The following UBIAD1 variants were observed in gnomAD, a reference collection of about 807,000 sequenced individuals.
UBIAD1 encodes ubiA prenyltransferase domain-containing protein 1.
A neutral mutation model predicts 20.1 loss-of-function variants in UBIAD1; 12 were observed. The observed-to-expected ratio is 0.60, with a 90% CI of 0.38 to 0.97. UBIAD1 has a LOEUF of 0.97. Ranked by LOEUF, UBIAD1 falls within the 50% of genes least tolerant of loss-of-function variation. The pLI is 0.00. For missense variants in UBIAD1, 333 were observed against 419.5 expected (o/e 0.79, Z 1.80); for synonymous variants, 207 against 189.2 (o/e 1.09, Z -0.77).
chr1:11,282,144 A>C (rs1443622994), intron 1 of UBIAD1, among the ~76,000 whole-genome samples: 2 of 152,172 alleles, frequency 1.3e-5, no homozygotes, highest in Non-Finnish European at 2.9e-5. Flanking sequence ...GATGATGTTT[A>C]ATTTTATGAG....
chr1:11,279,145 T>TA, intron 1 of UBIAD1: 1 of 221,298 alleles, frequency 4.5e-6, no homozygotes, highest in African/African-American at 2.3e-5. Flanking sequence ...ATTATAGGTG[T>TA]GAACTGCCAT....
chr1:11,278,912 G>A (rs976176584), intron 1 of UBIAD1: 10 of 263,028 alleles, frequency 3.8e-5, no homozygotes, highest in African/African-American at 1.6e-4. Flanking sequence ...TGGCCCACAC[G>A]GGAGCGCAGT....
chr1:11,292,976 A>T (rs1407042955), downstream of UBIAD1, among the ~76,000 whole-genome samples: 1 of 152,198 alleles, frequency 6.6e-6, no homozygotes, highest in Non-Finnish European at 1.5e-5. Flanking sequence ...AAATGGTGGT[A>T]TAAACCAAGT....
downstream of UBIAD1, chr1:11,295,394 G>A (rs1362966650): frequency 1.2e-5 from 2 of 162,562 alleles, no homozygotes; most frequent in African/African-American, 4.8e-5. Flanking sequence ...TGTGCAGTTA[G>A]ACAACTGGAG....
At position 11,286,525 on chromosome 1, in the gene UBIAD1, T is replaced by C. The variant is rs1029572787; in HGVS notation, c.*394T>C. ...CCTGTCCCGAAAAGACCCTAATAAC[T>C]AGGCAGAGTGTTGTCCTGCTTTCTT... On this transcript the variant is annotated 3_prime_UTR_variant, in exon 2 of 2. Coordinates refer to ENST00000376810, the MANE Select transcript of UBIAD1 (RefSeq NM_013319.3). 2.5e-5 allele frequency: 8 copies of C among 319,890 alleles called. No individual in the cohort carries two copies. Among genetic ancestry groups the C allele is most frequent in the African/African-American group, 1.7e-4 (8 of 45,836 alleles). 19.8% of individuals were successfully genotyped at this position (319,890 alleles called of 1,614,324 possible).
In UBIAD1 at chr1:11,286,174, A is replaced by G. The variant is rs1365010323; in HGVS notation, c.*43A>G. The G allele has an allele frequency of 1.2e-6, 2 of 1,613,224 alleles. No homozygotes were observed. The highest frequency in any genetic ancestry group is 1.7e-6 in the Non-Finnish European group (2 of 1,179,594). On this transcript the variant is annotated 3_prime_UTR_variant, in exon 2 of 2. Coordinates refer to ENST00000376810, the MANE Select transcript of UBIAD1 (RefSeq NM_013319.3). ...CCCACGACATGTCTCCCTTTCTTAG[A>G]ATATATTAAAGTCAGAGTCTCTGAG...
downstream of UBIAD1, among the ~76,000 whole-genome samples, chr1:11,289,800 G>A (rs1294324083): frequency 4.6e-5 from 7 of 151,946 alleles, no homozygotes; most frequent in African/African-American, 7.3e-5. Context: ...GCGCAATCTC[G>A]GCTCACTGCA....
chr1:11,284,288 A>G (rs545463625), intron 1 of UBIAD1, among the ~76,000 whole-genome samples: 1 of 152,126 alleles, frequency 6.6e-6, no homozygotes, highest in South Asian at 2.1e-4. Context: ...GAAGGCTCTG[A>G]CGGATTGGAA....
chr1:11,275,391 A>G (rs1651981986), intron 1 of UBIAD1, among the ~76,000 whole-genome samples: 1 of 152,198 alleles, frequency 6.6e-6, no homozygotes, highest in South Asian at 2.1e-4. Flanking sequence ...AGTAGAGCAA[A>G]GAATGGGACA....
downstream of UBIAD1, among the ~76,000 whole-genome samples, chr1:11,288,630 G>A (rs1181870258): frequency 6.6e-6 from 1 of 152,192 alleles, no homozygotes; most frequent in East Asian, 1.9e-4. Context: ...AGCAGGGACT[G>A]GGCATGGTGG....
Position 11,273,438 on chromosome 1 carries a change from C to A in UBIAD1, c.-94C>A. ...TCCTGGGGCGGAACCGAAGGAAGGT[C>A]GGGCCCTGCTGCCCCGCCCCGTCCT... On this transcript the variant is annotated 5_prime_UTR_variant, in exon 1 of 2. Coordinates refer to ENST00000376810, the MANE Select transcript of UBIAD1 (RefSeq NM_013319.3). This position sits in a 1 kb window ranked among gnomAD's most constrained non-coding sequence, Gnocchi z 4.9. 2 of 1,511,020 alleles carry A rather than the reference C, an allele frequency of 1.3e-6. No homozygotes were observed. The highest frequency in any genetic ancestry group is 2.3e-5 in the East Asian group (1 of 44,218). 93.6% of individuals were successfully genotyped at this position (1,511,020 alleles called of 1,614,324 possible).
At chr1:11,289,508 TA>T (rs1358440563), downstream of UBIAD1, among the ~76,000 whole-genome samples, 1 of 151,896 alleles carries the variant, frequency 6.6e-6, no homozygotes, top group South Asian at 2.1e-4. Context: ...GCCATGGAGA[TA>T]GGGGGGTATG....
At chr1:11,280,667 C>T (rs926567371) in intron 1 of UBIAD1, among the ~76,000 whole-genome samples, 1 of 152,348 alleles carries the variant, frequency 6.6e-6, no homozygotes, top group Non-Finnish European at 1.5e-5. Flanking sequence ...TTGACTCCCA[C>T]GTCTCACATC....
At position 11,279,557 on chromosome 1, in the gene UBIAD1, C is replaced by T. The variant is rs555046810; in HGVS notation, c.529+5497C>T. 7.2e-5 allele frequency among the ~76,000 whole-genome samples: 11 copies of T among 152,280 alleles called. No homozygotes were observed. In the East Asian group the frequency reaches 1.9e-3, roughly 27 times the overall value. On this transcript the variant is annotated intron_variant, in intron 1 of 1. Coordinates refer to ENST00000376810, the MANE Select transcript of UBIAD1 (RefSeq NM_013319.3). ...TCAGCCTCCCAAGTAGCTGGGATTACAGGCGTCTGCCACCATGCCTGGCTA... is the reference window on the plus strand; with the variant it reads ...TCAGCCTCCCAAGTAGCTGGGATTATAGGCGTCTGCCACCATGCCTGGCTA...
Position 11,273,776 on chromosome 1 carries a change from G to T in UBIAD1, c.245G>T (p.Arg82Met). The T allele has an allele frequency of 6.2e-7, 1 of 1,614,118 alleles. No individual in the cohort carries two copies. Among genetic ancestry groups the T allele is most frequent in the Non-Finnish European group, 8.5e-7 (1 of 1,180,018 alleles). ...AGATCCCACGGTGTCCTGGATCCCA[G>T]GCTCTTGGTGGGTTGTGCCGTGGCT... ...AYRSHGVLDP[R>M]LLVGCAVAVL... Residue 82 changes from arginine (R) to methionine (M), a missense_variant, in exon 1 of 2, where the codon AGG (arginine) becomes ATG (methionine). By Grantham distance (91) the Arg-to-Met change is moderately conservative. This residue lies in a region of UBIAD1 where 50 missense variants were observed against 101.2 expected (regional missense o/e 0.49). Coordinates refer to ENST00000376810, the MANE Select transcript of UBIAD1 (RefSeq NM_013319.3). This position sits in a 1 kb window ranked among gnomAD's most constrained non-coding sequence, Gnocchi z 4.9.
At chr1:11,291,495 G>A (rs905588458), downstream of UBIAD1, among the ~76,000 whole-genome samples, 3 of 151,120 alleles carry the variant, frequency 2.0e-5, no homozygotes, top group Non-Finnish European at 4.4e-5. Flanking sequence ...TAATCCCAGC[G>A]ACTCGGGAGG....
At chr1:11,278,582 A>T (rs1003082964) in intron 1 of UBIAD1, 43 of 1,295,594 alleles carry the variant, frequency 3.3e-5, no homozygotes, top group Admixed American at 5.8e-5. Context: ...AAGGTTGTTG[A>T]TATAAGACAA....
At chr1:11,295,515 G>A (rs1355693027), downstream of UBIAD1, 2 of 152,924 alleles carry the variant, frequency 1.3e-5, no homozygotes, top group African/African-American at 4.8e-5. Context: ...GAGAATGGCG[G>A]GGCATTTAAT....
downstream of UBIAD1, among the ~76,000 whole-genome samples, chr1:11,296,735 G>A (rs1342572161): frequency 2.0e-5 from 3 of 152,114 alleles, no homozygotes; most frequent in Non-Finnish European, 4.4e-5. Flanking sequence ...GCCCAGGCTG[G>A]TCTCCAGCTC....
Sources: allele counts gnomAD v4.1 joint callset (sites outside exome capture counted in the v4.1 genomes callset), GRCh38; gene constraint gnomAD v4.1.1; regional missense constraint gnomAD v4.1.1; non-coding constraint Gnocchi (gnomAD v3.1); transcripts MANE v1.5; gene names NCBI Gene and HGNC (gene_info 2026-07-23, HGNC 2026-07-21).